Variants in RAB11FIP2 observed in about 807,000 individuals in gnomAD.
RAB11FIP2 encodes the protein RAB11 family interacting protein 2, also known as rab11 family-interacting protein 2.
RAB11FIP2 carries 16 observed loss-of-function variants against 40.9 expected under a neutral mutation model. The ratio of observed to expected loss-of-function variants is 0.39; its 90% CI spans 0.26 to 0.59. The LOEUF is 0.59. RAB11FIP2 is among the 20% of genes least tolerant of loss of function. The pLI is 0.53. For synonymous variants in RAB11FIP2, 228 were observed against 213.7 expected (o/e 1.07, Z -0.58); for missense variants, 532 against 606.2 (o/e 0.88, Z 1.28).
intron 1 of RAB11FIP2, 48 bp downstream of exon 1, chr10:118,045,763 A>G (rs769992365): frequency 2.8e-6 from 4 of 1,427,586 alleles, no homozygotes; most frequent in Non-Finnish European, 3.8e-6. Flanking sequence ...GAAAAACCAT[A>G]AATAAGATAT....
intron 3 of RAB11FIP2, among the ~76,000 whole-genome samples, chr10:118,038,038 A>AT (rs1226810223): frequency 6.6e-6 from 1 of 151,634 alleles, no homozygotes; most frequent in African/African-American, 2.4e-5. Flanking sequence ...TTTCTTATTT[A>AT]TTTTTTTAAA....
intron 3 of RAB11FIP2, among the ~76,000 whole-genome samples, chr10:118,020,094 T>C (rs1489073575): frequency 6.6e-6 from 1 of 152,190 alleles, no homozygotes; most frequent in Admixed American, 6.5e-5. Context: ...GCTCTATTTA[T>C]CCTCATTTAC....
chr10:118,026,276 T>C (rs1846342177), intron 3 of RAB11FIP2, among the ~76,000 whole-genome samples: 1 of 152,228 alleles, frequency 6.6e-6, no homozygotes, highest in Admixed American at 6.5e-5. Context: ...ATACTTAACA[T>C]TCAAATTTTG....
intron 2 of RAB11FIP2, 21 bp from the exon 3 acceptor site, chr10:118,039,461 A>G (rs1846526058): frequency 6.3e-7 from 1 of 1,581,864 alleles, no homozygotes; most frequent in East Asian, 2.2e-5. Context: ...TTTTGTAGTT[A>G]GTACATAATC....
chr10:118,038,929 A>C, intron 3 of RAB11FIP2, 43 bp downstream of exon 3: 1 of 1,337,618 alleles, frequency 7.5e-7, no homozygotes, highest in East Asian at 2.4e-5. Flanking sequence ...CTTCAAGTAC[A>C]AGATTTTCCC....
At chr10:118,020,548 G>A (rs1027135019) in intron 3 of RAB11FIP2, among the ~76,000 whole-genome samples, 12 of 152,096 alleles carry the variant, frequency 7.9e-5, no homozygotes, top group Admixed American at 5.9e-4. Flanking sequence ...CCAAGAGGAT[G>A]GAGCACTGAA....
At chr10:118,022,666 G>C (rs1846294957) in intron 3 of RAB11FIP2, among the ~76,000 whole-genome samples, 1 of 152,218 alleles carries the variant, frequency 6.6e-6, no homozygotes, top group Non-Finnish European at 1.5e-5. Context: ...TGGTATAAAA[G>C]TTTGCTTCTG....
At position 118,005,199 on chromosome 10, in the gene RAB11FIP2, C is replaced by T. The variant is rs1589634202; in HGVS notation, c.*3799G>A. Reference sequence around the variant, plus strand: ...TTTTTTTGTACCTCAAAACACAAACCATCTGGAAGCTTCGAAGACTAACAG... The same window carrying T: ...TTTTTTTGTACCTCAAAACACAAACTATCTGGAAGCTTCGAAGACTAACAG... On this transcript the variant is annotated 3_prime_UTR_variant, in exon 5 of 5. Coordinates refer to ENST00000355624, the MANE Select transcript of RAB11FIP2 (RefSeq NM_014904.3). 1 of 152,562 alleles carries T rather than the reference C, an allele frequency of 6.6e-6. No individual in the cohort carries two copies. Among genetic ancestry groups the T allele is most frequent in the Non-Finnish European group, 1.5e-5 (1 of 68,036 alleles). 9.5% of individuals were successfully genotyped at this position (152,562 alleles called of 1,614,324 possible). A position where few individuals can be genotyped will look rare whatever the true frequency, so the allele number is the denominator to read the frequency against.
Position 118,046,193 on chromosome 10 carries a change from C to A in RAB11FIP2, c.-30G>T, listed in dbSNP as rs1846632696. 2 of 1,584,842 alleles carry A rather than the reference C, an allele frequency of 1.3e-6. No individual in the cohort carries two copies. The highest frequency in any genetic ancestry group is 1.7e-6 in the Non-Finnish European group (2 of 1,157,960). On this transcript the variant is annotated 5_prime_UTR_variant, in exon 1 of 5. In the 5' UTR this introduces an upstream ATG that the reference lacks. Transcript: ENST00000355624. The stretch of plus-strand genomic sequence containing the variant: ...TCCTGTTTCTCTGCCCCCGAGTTCC[C>A]TAGCACAGGCAGTGCCCCTCCCGGA...
In RAB11FIP2 at chr10:118,040,018, A is replaced by C. The variant is rs984990316; in HGVS notation, c.796+105T>G. ...TTTGATGAATGACAAAATTTGGAAA[A>C]TACTACAAAGCAACTGCTATTTTGA... is the stretch of plus-strand genomic sequence containing the variant. On this transcript the variant is annotated intron_variant, in intron 2 of 4. Transcript: ENST00000355624. 6.0e-6 allele frequency: 7 copies of C among 1,172,770 alleles called. No homozygotes were observed. The South Asian group carries it at 9.5e-5, about 16-fold the overall frequency. The allele number at this position is 1,172,770 out of a possible 1,614,324, so 72.6% of individuals were successfully genotyped here. A position where few individuals can be genotyped will look rare whatever the true frequency, so the allele number is the denominator to read the frequency against.
Position 118,008,635 on chromosome 10 carries a change from A to C in RAB11FIP2, c.*363T>G, listed in dbSNP as rs1477642674. 2 of 192,228 alleles carry C rather than the reference A, an allele frequency of 1.0e-5. No individual in the cohort carries two copies. The highest frequency in any genetic ancestry group is 2.2e-5 in the Non-Finnish European group (2 of 91,328). 11.9% of individuals were successfully genotyped at this position (192,228 alleles called of 1,614,324 possible). A position where few individuals can be genotyped will look rare whatever the true frequency, so the allele number is the denominator to read the frequency against. On this transcript the variant is annotated 3_prime_UTR_variant, in exon 5 of 5. Coordinates refer to ENST00000355624, the MANE Select transcript of RAB11FIP2 (RefSeq NM_014904.3). The stretch of plus-strand genomic sequence containing the variant: ...CAAACTGATTTCTGAGAAACCAGCC[A>C]CAGGATCAATTCTGCTTTATGAAAA...
At chr10:118,029,513 G>T (rs1038323466) in intron 3 of RAB11FIP2, among the ~76,000 whole-genome samples, 2 of 152,064 alleles carry the variant, frequency 1.3e-5, no homozygotes, top group Non-Finnish European at 2.9e-5. Flanking sequence ...CCCTTAATAT[G>T]AAATTCAGAC....
In RAB11FIP2 at chr10:118,008,497, T is replaced by C. The variant is rs1249594537; in HGVS notation, c.*501A>G. On this transcript the variant is annotated 3_prime_UTR_variant, in exon 5 of 5. Coordinates refer to ENST00000355624, the MANE Select transcript of RAB11FIP2 (RefSeq NM_014904.3). ...ATATGAGGTATATGCCTATATTTTA[T>C]ATACAAGATACATGAATATATATAT... is the stretch of plus-strand genomic sequence containing the variant. 3.8e-5 allele frequency: 6 copies of C among 157,902 alleles called. No homozygotes were observed. The highest frequency in any genetic ancestry group is 1.4e-4 in the African/African-American group (6 of 41,452). The allele number at this position is 157,902 out of a possible 1,614,324, so 9.8% of individuals were successfully genotyped here.
At chr10:118,015,247 G>A (rs772298759) in intron 3 of RAB11FIP2, 137 bp from the exon 4 acceptor site, 1 of 563,128 alleles carries the variant, frequency 1.8e-6, no homozygotes, top group Non-Finnish European at 2.8e-6. Context: ...TTTAATCCAA[G>A]AAGTAGAAAA....
At position 118,045,726 on chromosome 10, in the gene RAB11FIP2, G is replaced by A. The variant is rs1042505011; in HGVS notation, c.353+85C>T. 1.7e-5 allele frequency: 19 copies of A among 1,148,236 alleles called. No homozygotes were observed. In the South Asian group the frequency reaches 2.0e-4, roughly 12 times the overall value. The allele number at this position is 1,148,236 out of a possible 1,614,324, so 71.1% of individuals were successfully genotyped here. A position where few individuals can be genotyped will look rare whatever the true frequency, so the allele number is the denominator to read the frequency against. ...TATTTCAATCCAAAAACCAACGCCC[G>A]AAGTATACGGATAATTTCCAAGAAC... is the stretch of plus-strand genomic sequence containing the variant. On this transcript the variant is annotated intron_variant, in intron 1 of 4. Coordinates refer to ENST00000355624, the MANE Select transcript of RAB11FIP2 (RefSeq NM_014904.3).
At position 118,007,444 on chromosome 10, in the gene RAB11FIP2, A is replaced by C. The variant is rs1344885974; in HGVS notation, c.*1554T>G. On this transcript the variant is annotated 3_prime_UTR_variant, in exon 5 of 5. Transcript: ENST00000355624. ...ATTCTCTGATTCAAAATACTAAAAT[A>C]AGCAAAAAAAAAAAACCCAAACTAT... is the stretch of plus-strand genomic sequence containing the variant. 5 of 151,384 alleles carry C rather than the reference A, an allele frequency of 3.3e-5. No individual in the cohort carries two copies. Among genetic ancestry groups the C allele is most frequent in the Admixed American group, 3.3e-4 (5 of 15,214 alleles). 9.4% of individuals were successfully genotyped at this position (151,384 alleles called of 1,614,324 possible).
rs201153572 is a variant in RAB11FIP2 at position 118,023,905 on chromosome 10, AT to A, written c.1266-8796del. Among the ~76,000 whole-genome samples the A allele has an allele frequency of 9.5e-3, 1,441 of 152,198 alleles. 25 individuals are homozygous for A. Among genetic ancestry groups the A allele is most frequent in the African/African-American group, 0.033 (1,364 of 41,514 alleles). On this transcript the variant is annotated intron_variant, in intron 3 of 4. Transcript: ENST00000355624. ...GGAGTTCAAGACCAGCCTGGCCAAC[AT>A]GGTGAAACCCTGTCTCTACTAAAAA...
chr10:118,017,477 T>C (rs1846235516), intron 3 of RAB11FIP2: 1 of 152,138 alleles, frequency 6.6e-6, no homozygotes, highest in Admixed American at 6.5e-5. Flanking sequence ...ATGAAGGATA[T>C]GTTTGGCAGG....
chr10:118,039,366 C>G lies in RAB11FIP2; in HGVS notation c.871G>C (p.Asp291His). The G allele has an allele frequency of 6.2e-7, 1 of 1,613,500 alleles. No individual in the cohort carries two copies. Among genetic ancestry groups the G allele is most frequent in the South Asian group, 1.1e-5 (1 of 91,070 alleles). ...SKMNQPDSIVDEGELCFGRQN... is the reference protein window; with the variant it reads ...SKMNQPDSIVHEGELCFGRQN... Reference sequence around the variant, plus strand: ...CTTCCGAAACACAATTCACCTTCATCCACAATGCTGTCAGGTTGGTTCATT... The same window carrying G: ...CTTCCGAAACACAATTCACCTTCATGCACAATGCTGTCAGGTTGGTTCATT... Residue 291 changes from aspartate to histidine, a missense_variant, in exon 3 of 5, where the codon GAT (aspartate) becomes CAT (histidine). By Grantham distance (81) the Asp-to-His change is moderately conservative. Transcript: ENST00000355624.
Sources: allele counts gnomAD v4.1 joint callset (sites outside exome capture counted in the v4.1 genomes callset), GRCh38; gene constraint gnomAD v4.1.1; transcripts MANE v1.5; gene names NCBI Gene and HGNC (gene_info 2026-07-23, HGNC 2026-07-21).